Variants in MUC13 observed in about 807,000 individuals in gnomAD.
The protein encoded by MUC13 is mucin 13, cell surface associated.
Under a neutral mutation model 48.3 loss-of-function variants are expected in MUC13, and 32 were observed. The observed-to-expected ratio is 0.66, with a 90% CI of 0.50 to 0.89. The LOEUF is 0.89. MUC13 is among the 40% of genes least tolerant of loss of function. MUC13 has a pLI of 0.00. For missense variants in MUC13, 571 were observed against 622.8 expected (o/e 0.92, Z 0.88); for synonymous variants, 199 against 224.9 (o/e 0.88, Z 1.03).
intron 8 of MUC13, 54 bp from the exon 9 acceptor site, chr3:124,912,195 T>C: frequency 6.3e-7 from 1 of 1,599,472 alleles, no homozygotes; most frequent in Non-Finnish European, 8.5e-7. Context: ...GTGGGGAGCA[T>C]GTCAGAGTTC....
chr3:124,928,741 C>G (rs1012314883), intron 1 of MUC13, among the ~76,000 whole-genome samples: 1 of 152,140 alleles, frequency 6.6e-6, no homozygotes, highest in African/African-American at 2.4e-5. Flanking sequence ...CCTGTAGTCA[C>G]GTAACTGTAG....
intron 6 of MUC13, among the ~76,000 whole-genome samples, 199 bp from the exon 7 acceptor site, chr3:124,913,880 C>T (rs187600343): frequency 1.3e-5 from 2 of 152,122 alleles, no homozygotes; most frequent in East Asian, 3.9e-4. Flanking sequence ...AGTTCAAGAC[C>T]AGCCTGGGCA....
At chr3:124,928,237 A>G (rs1935731236) in intron 1 of MUC13, among the ~76,000 whole-genome samples, 1 of 152,058 alleles carries the variant, frequency 6.6e-6, no homozygotes, top group African/African-American at 2.4e-5. Flanking sequence ...TTTTCTGGAA[A>G]AATGAAAATA....
intron 1 of MUC13, among the ~76,000 whole-genome samples, chr3:124,933,899 A>G (rs140367087): frequency 6.6e-6 from 1 of 152,154 alleles, no homozygotes; most frequent in Non-Finnish European, 1.5e-5. Flanking sequence ...GGCCCATAGA[A>G]CCCTTCCTAA....
intron 1 of MUC13, among the ~76,000 whole-genome samples, chr3:124,930,066 C>T (rs1935767716): frequency 1.3e-5 from 2 of 152,168 alleles, no homozygotes; most frequent in Non-Finnish European, 1.5e-5. Flanking sequence ...TGCAAACAAC[C>T]CCAACCCCAC....
rs761377136 is a variant in MUC13, at chr3:124,927,567, G to C, written c.479C>G (p.Thr160Ser). The change falls in exon 2 of 12, where the codon ACC (threonine) becomes AGC (serine). Residue 160 changes from threonine (T) to serine (S), a missense_variant. Thr to Ser is a moderately conservative substitution (Grantham distance 58, BLOSUM62 1). Transcript: ENST00000616727. Reference sequence around the variant, plus strand: ...TAGGGTGCTGGTCTCCAATAAAGCGGTGCCAGTGGGAGGCCCTGATGATTG... The same window carrying C: ...TAGGGTGCTGGTCTCCAATAAAGCGCTGCCAGTGGGAGGCCCTGATGATTG... ...DNQSSGPPTG[T>S]ALLETSTLNS... The C allele has an allele frequency of 1.2e-5, 20 of 1,614,214 alleles. 1 individual carries two copies. The highest frequency in any genetic ancestry group is 3.3e-5 in the Admixed American group (2 of 60,026).
At position 124,913,574 on chromosome 3, in the gene MUC13, G is replaced by A; in HGVS notation, c.1072C>T (p.Pro358Ser). ...GTGAAACACTTACCAACGCAGAAAG[G>A]GCTCTGTGGGTTAGGCCTTTGCAGG... ...SDLQRPNPQS[P>S]FCVASSLKCP... The change falls in exon 7 of 12, where the codon CCT becomes TCT. Residue 358 changes from proline (P) to serine (S), a missense_variant. By Grantham distance (74) the Pro-to-Ser change is moderately conservative. Coordinates refer to ENST00000616727, the MANE Select transcript of MUC13 (RefSeq NM_033049.4). 3 of 1,614,200 alleles carry A rather than the reference G, an allele frequency of 1.9e-6. No individual in the cohort carries two copies. The highest frequency in any genetic ancestry group is 2.5e-6 in the Non-Finnish European group (3 of 1,180,034).
intron 5 of MUC13, among the ~76,000 whole-genome samples, chr3:124,918,351 C>T (rs374680283): frequency 9.5e-4 from 144 of 152,312 alleles, no homozygotes; most frequent in African/African-American, 3.3e-3. Flanking sequence ...TCTGAGCTCA[C>T]AGGTGAAGGT....
intron 3 of MUC13, among the ~76,000 whole-genome samples, chr3:124,923,077 G>A (rs951370210): frequency 5.3e-5 from 7 of 131,340 alleles, no homozygotes; most frequent in Admixed American, 3.4e-4. Context: ...TCTGGAAAAT[G>A]AAGATATTTC....
At chr3:124,928,532 T>G (rs565838779) in intron 1 of MUC13, among the ~76,000 whole-genome samples, 40 of 152,046 alleles carry the variant, frequency 2.6e-4, no homozygotes, top group African/African-American at 9.2e-4. Context: ...TTGTAACACC[T>G]CCATGGCTGG....
At chr3:124,933,857 C>G (rs1332074585) in intron 1 of MUC13, among the ~76,000 whole-genome samples, 1 of 152,200 alleles carries the variant, frequency 6.6e-6, no homozygotes, top group Non-Finnish European at 1.5e-5. Context: ...CAACCCTCAC[C>G]TCTCAACATA....
chr3:124,928,037 A>G (rs1453551966), intron 1 of MUC13, 44 bp from the exon 2 acceptor site: 1 of 1,334,694 alleles, frequency 7.5e-7, no homozygotes, highest in Non-Finnish European at 1.0e-6. Context: ...AGTACATTGA[A>G]TAACTAATGG....
intron 5 of MUC13, among the ~76,000 whole-genome samples, chr3:124,919,500 A>T (rs978809411): frequency 6.6e-6 from 1 of 151,888 alleles, no homozygotes; most frequent in Non-Finnish European, 1.5e-5. Flanking sequence ...TTCACAAAGG[A>T]TTTGATATGG....
At chr3:124,925,053 T>G (rs1289026989) in intron 2 of MUC13, among the ~76,000 whole-genome samples, 5 of 152,218 alleles carry the variant, frequency 3.3e-5, no homozygotes. Context: ...GCTTTGTTCA[T>G]GAGTGCCACT....
In MUC13 at chr3:124,908,173, T is replaced by C. The variant is rs777860791; in HGVS notation, c.1513A>G (p.Ser505Gly). ...SQMQNPYSRH[S>G]SMPRPDY ...TAATAGTCAGGGCGGGGCATGCTGCTGTGTCTTGAATAGGGATTTTGCATC... is the reference window on the plus strand; with the variant it reads ...TAATAGTCAGGGCGGGGCATGCTGCCGTGTCTTGAATAGGGATTTTGCATC... The change falls in exon 11 of 12, where the codon AGC becomes GGC. Residue 505 changes from serine (S) to glycine (G), a missense_variant. Coordinates refer to ENST00000616727, the MANE Select transcript of MUC13 (RefSeq NM_033049.4). The C allele has an allele frequency of 1.9e-6, 3 of 1,614,202 alleles. No homozygotes were observed. The South Asian group carries it at 3.3e-5, about 18-fold the overall frequency.
chr3:124,909,875 C>T (rs140690530), intron 10 of MUC13, among the ~76,000 whole-genome samples: 56 of 152,034 alleles, frequency 3.7e-4, no homozygotes, highest in Admixed American at 2.1e-3. Context: ...TGTCATCTTA[C>T]GGTGTTAAAC....
chr3:124,912,027 A>G, intron 9 of MUC13, 77 bp downstream of exon 9: 4 of 1,550,800 alleles, frequency 2.6e-6, no homozygotes, highest in Non-Finnish European at 3.5e-6. Flanking sequence ...AGGACTGGGC[A>G]GGATGTTGAA....
intron 1 of MUC13, among the ~76,000 whole-genome samples, chr3:124,933,852 C>A (rs114976502): frequency 0.023 from 3,567 of 152,270 alleles, 46 homozygotes; most frequent in Non-Finnish European, 0.036. Context: ...CTCCACAACC[C>A]TCACCTCTCA....
chr3:124,931,912 G>C (rs1218363420), intron 1 of MUC13, among the ~76,000 whole-genome samples: 1 of 151,968 alleles, frequency 6.6e-6, no homozygotes, highest in Non-Finnish European at 1.5e-5. Context: ...AGGTGTGGTA[G>C]TGAGCACCTG....
Sources: gnomAD v4.1 joint callset for allele counts (sites outside exome capture counted in the v4.1 genomes callset) on GRCh38, gnomAD v4.1.1 for gene constraint, MANE v1.5 for transcripts, NCBI Gene and HGNC (gene_info 2026-07-23, HGNC 2026-07-21) for gene names.